TYR: variants seen among roughly 807,000 people sequenced by gnomAD.
TYR encodes the protein tyrosinase.
In TYR, 58 loss-of-function variants were observed where a neutral mutation model predicts 51.5. That is an observed-to-expected ratio of 1.13 (90% CI 0.91 to 1.40). TYR has a LOEUF of 1.40. Among genes scored for constraint, TYR ranks in the 40% most tolerant of loss-of-function variants. TYR has a pLI of 0.00. For synonymous variants in TYR, 263 were observed against 235.2 expected (o/e 1.12, Z -1.08); for missense variants, 732 against 647.4 (o/e 1.13, Z -1.42).
intron 3 of TYR, among the ~76,000 whole-genome samples, chr11:89,277,579 C>T (rs1944670609): frequency 2.0e-5 from 3 of 151,670 alleles, no homozygotes; most frequent in Admixed American, 2.0e-4. Context: ...ACCTGACATC[C>T]CCACTGAAAT....
chr11:89,197,539 T>C (rs1421701680), intron 2 of TYR, among the ~76,000 whole-genome samples: 1 of 152,172 alleles, frequency 6.6e-6, no homozygotes, highest in African/African-American at 2.4e-5. Context: ...ACAAGGGTAG[T>C]TGTGATAGGT....
intron 1 of TYR, among the ~76,000 whole-genome samples, chr11:89,189,551 T>C (rs1480802351): frequency 6.6e-6 from 1 of 152,126 alleles, no homozygotes. Flanking sequence ...TTAATGTTTT[T>C]AAAGCTACTG....
At position 89,234,710 on chromosome 11, in the gene TYR, A is replaced by T. The variant is rs769508373; in HGVS notation, c.1184+6740A>T. Among the ~76,000 whole-genome samples, 10 of 106,266 alleles carry T rather than the reference A, an allele frequency of 9.4e-5. 2 individuals carry two copies. Among genetic ancestry groups the T allele is most frequent in the Non-Finnish European group, 1.9e-4 (10 of 54,030 alleles). 69.7% of individuals were successfully genotyped at this position (106,266 alleles called of 152,430 possible). ...GTGGCTGGTCAGTGGGGCAGTTAGA[A>T]CACATGCATTTATTAATTAAAGTCA... On this transcript the variant is annotated intron_variant, in intron 3 of 4. Transcript: ENST00000263321.
At chr11:89,190,686 C>G (rs916600055) in intron 1 of TYR, among the ~76,000 whole-genome samples, 1 of 151,938 alleles carries the variant, frequency 6.6e-6, no homozygotes, top group Non-Finnish European at 1.5e-5. Context: ...AGAGTAGTAT[C>G]TTAGGCCTTT....
At position 89,225,774 on chromosome 11, in the gene TYR, G is replaced by T. The variant is rs143295990; in HGVS notation, c.1037-2049G>T. On this transcript the variant is annotated intron_variant, in intron 2 of 4. Coordinates refer to ENST00000263321, the MANE Select transcript of TYR (RefSeq NM_000372.5). The stretch of plus-strand genomic sequence containing the variant: ...TTTATGATTATGATTAAAACAATTT[G>T]ATAGTACAGTAGGAAAATTATAGTT... Among the ~76,000 whole-genome samples the T allele has an allele frequency of 3.0e-3, 450 of 151,588 alleles. 1 individual carries two copies. Among genetic ancestry groups the T allele is most frequent in the African/African-American group, 0.01 (427 of 41,304 alleles).
chr11:89,231,232 A>G (rs527843135), intron 3 of TYR, among the ~76,000 whole-genome samples: 2 of 152,034 alleles, frequency 1.3e-5, no homozygotes, highest in African/African-American at 2.4e-5. Flanking sequence ...GTAAATTAAT[A>G]TAGTCATTTG....
intron 2 of TYR, among the ~76,000 whole-genome samples, chr11:89,205,377 C>G (rs539723284): frequency 6.6e-6 from 1 of 152,026 alleles, no homozygotes; most frequent in Non-Finnish European, 1.5e-5. Flanking sequence ...CCAAATTTAG[C>G]AAAAGAAACT....
chr11:89,275,611 T>A (rs1466675282), intron 3 of TYR, among the ~76,000 whole-genome samples: 2 of 151,922 alleles, frequency 1.3e-5, no homozygotes, highest in Non-Finnish European at 2.9e-5. Flanking sequence ...AAGAGTTTAA[T>A]TGAGCAAAGA....
intron 4 of TYR, among the ~76,000 whole-genome samples, chr11:89,290,672 G>A (rs877072): frequency 0.09 from 13,612 of 151,938 alleles, 742 homozygotes; most frequent in Admixed American, 0.14. Context: ...TAGTCAGAAA[G>A]GAAAAGGTAA....
intron 3 of TYR, among the ~76,000 whole-genome samples, chr11:89,234,762 G>GCA (rs1944089638): frequency 9.4e-6 from 1 of 105,914 alleles, no homozygotes; most frequent in Admixed American, 8.9e-5. Context: ...ACTGTTTGTG[G>GCA]TGTCCCAAAA....
chr11:89,189,721 G>A (rs2135251684), intron 1 of TYR, among the ~76,000 whole-genome samples: 1 of 152,162 alleles, frequency 6.6e-6, no homozygotes, highest in South Asian at 2.1e-4. Flanking sequence ...ACTATGTGAG[G>A]TAGTTGTTAT....
chr11:89,186,948 G>A (rs1345695303), intron 1 of TYR, among the ~76,000 whole-genome samples: 1 of 152,162 alleles, frequency 6.6e-6, no homozygotes, highest in African/African-American at 2.4e-5. Flanking sequence ...TCCTCTGCAA[G>A]ACATAAGAGA....
chr11:89,288,458 A>G (rs1460295196), intron 4 of TYR, among the ~76,000 whole-genome samples: 1 of 151,892 alleles, frequency 6.6e-6, no homozygotes, highest in African/African-American at 2.4e-5. Context: ...GATACTTTTT[A>G]CTACAAAGGC....
chr11:89,214,838 A>T (rs7117973), intron 2 of TYR, among the ~76,000 whole-genome samples: 35,574 of 152,028 alleles, frequency 0.23, 6,389 homozygotes, highest in African/African-American at 0.5. Flanking sequence ...GTGATTAAGA[A>T]CATAGATTTT....
chr11:89,290,907 T>C (rs1219393194), intron 4 of TYR, among the ~76,000 whole-genome samples: 1 of 152,014 alleles, frequency 6.6e-6, no homozygotes, highest in African/African-American at 2.4e-5. Flanking sequence ...TATAAAGGAA[T>C]TGTTTTGTTA....
chr11:89,263,500 G>C (rs370507052), intron 3 of TYR, among the ~76,000 whole-genome samples: 13 of 151,958 alleles, frequency 8.6e-5, no homozygotes, highest in Admixed American at 7.2e-4. Flanking sequence ...ACATTGTATC[G>C]AAGGTTTAAG....
intron 2 of TYR, among the ~76,000 whole-genome samples, chr11:89,223,545 T>C (rs544743497): frequency 6.6e-6 from 1 of 152,316 alleles, no homozygotes; most frequent in Admixed American, 6.5e-5. Flanking sequence ...CTCTCTAAAA[T>C]TCCCTCGTAG....
At chr11:89,205,876 T>C (rs1943665850) in intron 2 of TYR, among the ~76,000 whole-genome samples, 1 of 152,176 alleles carries the variant, frequency 6.6e-6, no homozygotes, top group African/African-American at 2.4e-5. Flanking sequence ...TTTTATGTCA[T>C]TCATCTAAAT....
At chr11:89,265,995 T>C (rs1332308713) in intron 3 of TYR, among the ~76,000 whole-genome samples, 1 of 151,992 alleles carries the variant, frequency 6.6e-6, no homozygotes, top group Non-Finnish European at 1.5e-5. Flanking sequence ...TAACTACTAT[T>C]TTGGGGCAAA....
Sources: allele counts gnomAD v4.1 joint callset (sites outside exome capture counted in the v4.1 genomes callset), GRCh38; gene constraint gnomAD v4.1.1; transcripts MANE v1.5; gene names NCBI Gene and HGNC (gene_info 2026-07-23, HGNC 2026-07-21).